The following USP34 variants were observed in gnomAD, a reference collection of about 807,000 sequenced individuals.
USP34 encodes ubiquitin specific peptidase 34, also known as ubiquitin carboxyl-terminal hydrolase 34.
Under a neutral mutation model 460.3 loss-of-function variants are expected in USP34, and 70 were observed. That is an observed-to-expected ratio of 0.15 (90% confidence interval 0.13 to 0.19). USP34 has a LOEUF of 0.19. Ranked by LOEUF, USP34 falls within the 10% of genes least tolerant of loss-of-function variation. The probability of loss-of-function intolerance (pLI) is 1.00; values close to 1 mark genes in which losing one functional copy is unlikely to be tolerated. For synonymous variants in USP34, 1,647 were observed against 1,405.3 expected (o/e 1.17, Z -3.85); for missense variants, 3,985 against 4,236.2 (o/e 0.94, Z 1.65).
chr2:61,344,599 T>C (rs1691706103), intron 15 of USP34, among the ~76,000 whole-genome samples: 1 of 152,152 alleles, frequency 6.6e-6, no homozygotes, highest in Non-Finnish European at 1.5e-5. Flanking sequence ...ACACAGAATA[T>C]GAAAAGAGCT....
At position 61,470,816 on chromosome 2, in the gene USP34, G is replaced by A. The variant is rs1695938069; in HGVS notation, c.-124C>T. On this transcript the variant is annotated 5_prime_UTR_variant, in exon 1 of 80. Coordinates refer to ENST00000398571, the MANE Select transcript of USP34 (RefSeq NM_014709.4). ...GCCGGCGGGGCGGGGAGGCGACTAGGGCGGGCGGCGGCGGGGACGGGGCGG... is the reference window on the plus strand; with the variant it reads ...GCCGGCGGGGCGGGGAGGCGACTAGAGCGGGCGGCGGCGGGGACGGGGCGG... 8.4e-6 allele frequency: 5 copies of A among 595,348 alleles called. No individual in the cohort carries two copies. The highest frequency in any genetic ancestry group is 2.1e-5 in the South Asian group (1 of 48,040). 36.9% of individuals were successfully genotyped at this position (595,348 alleles called of 1,614,324 possible). A position where few individuals can be genotyped will look rare whatever the true frequency, so the allele number is the denominator to read the frequency against.
chr2:61,467,370 G>A (rs1038577618), intron 1 of USP34, among the ~76,000 whole-genome samples: 3 of 151,892 alleles, frequency 2.0e-5, no homozygotes, highest in South Asian at 4.2e-4. Context: ...CGCTGGTCTC[G>A]AACTCCTGGC....
chr2:61,461,355 T>C (rs1459981942), intron 1 of USP34, among the ~76,000 whole-genome samples: 1 of 150,756 alleles, frequency 6.6e-6, no homozygotes, highest in Non-Finnish European at 1.5e-5. Context: ...ATGGCACCAT[T>C]GCACTCCACC....
At chr2:61,261,701 A>C (rs1473716524) in intron 43 of USP34, among the ~76,000 whole-genome samples, 1 of 152,158 alleles carries the variant, frequency 6.6e-6, no homozygotes, top group African/African-American at 2.4e-5. Context: ...GCTTTCTTTA[A>C]ACTTCATGTG....
intron 75 of USP34, among the ~76,000 whole-genome samples, chr2:61,199,436 A>C (rs1343622864): frequency 6.6e-6 from 1 of 152,112 alleles, no homozygotes; most frequent in Non-Finnish European, 1.5e-5. Context: ...TTGTATTTTC[A>C]GTAGAGACAG....
chr2:61,329,195 T>G (rs1691186674), intron 20 of USP34, among the ~76,000 whole-genome samples: 1 of 152,024 alleles, frequency 6.6e-6, no homozygotes. Flanking sequence ...CTTTTTTTTT[T>G]TTGTATTTTT....
intron 18 of USP34, among the ~76,000 whole-genome samples, chr2:61,337,757 A>T (rs1224384432): frequency 6.6e-6 from 1 of 152,098 alleles, no homozygotes; most frequent in African/African-American, 2.4e-5. Context: ...CGCCCGGCCT[A>T]GTTATTTTCA....
At chr2:61,302,939 C>T (rs968407956) in intron 27 of USP34, among the ~76,000 whole-genome samples, 4 of 152,172 alleles carry the variant, frequency 2.6e-5, no homozygotes, top group Non-Finnish European at 5.9e-5. Context: ...ACTGATAGAA[C>T]ATTTTAAAAA....
chr2:61,301,466 C>G lies in USP34; in HGVS notation c.3818-12G>C. On this transcript the variant is annotated splice_polypyrimidine_tract_variant and intron_variant, in intron 27 of 79. Transcript: ENST00000398571. ...TCCCATGAGGCCTCCTTAAAAACAG[C>G]AAAACATGGAAATGAATTTGTTTTT... The G allele has an allele frequency of 6.2e-7, 1 of 1,602,480 alleles. No homozygotes were observed. The highest frequency in any genetic ancestry group is 8.5e-7 in the Non-Finnish European group (1 of 1,174,268).
Position 61,257,277 on chromosome 2 carries a change from G to A in USP34, c.5918C>T (p.Thr1973Ile). Residue 1973 changes from threonine to isoleucine, a missense_variant, in exon 45 of 80, where the codon ACT becomes ATT. This residue lies in a region of USP34 where 145 missense variants were observed against 291.6 expected (regional missense o/e 0.50). Coordinates refer to ENST00000398571, the MANE Select transcript of USP34 (RefSeq NM_014709.4). ...TYTMDKQPLN[T>I]GEQKDMTEFF... is the part of the protein sequence containing the mutation. ...CTCTGTCATATCTTTCTGTTCCCCA[G>A]TATTCAGAGGCTGCTTATCCATGGT... 6.2e-7 allele frequency: 1 copy of A among 1,613,110 alleles called. No individual in the cohort carries two copies.
At chr2:61,392,192 C>T (rs372598652) in intron 5 of USP34, among the ~76,000 whole-genome samples, 75 of 152,116 alleles carry the variant, frequency 4.9e-4, no homozygotes, top group African/African-American at 1.6e-3. Context: ...TTTAGCCAGG[C>T]GTGGTGACAT....
chr2:61,246,058 G>A (rs2103869623), intron 50 of USP34, among the ~76,000 whole-genome samples: 1 of 152,308 alleles, frequency 6.6e-6, no homozygotes, highest in East Asian at 1.9e-4. Context: ...GAGAAGATAA[G>A]AGTTGAAATG....
At chr2:61,467,366 T>A (rs1695803486) in intron 1 of USP34, among the ~76,000 whole-genome samples, 1 of 151,994 alleles carries the variant, frequency 6.6e-6, no homozygotes, top group African/African-American at 2.4e-5. Flanking sequence ...CCCACGCTGG[T>A]CTCGAACTCC....
At chr2:61,385,079 G>A (rs1289238052) in intron 5 of USP34, among the ~76,000 whole-genome samples, 81 of 151,890 alleles carry the variant, frequency 5.3e-4, no homozygotes, top group Non-Finnish European at 7.4e-5. Flanking sequence ...CCCTATATAT[G>A]TTCTTTTCTT....
chr2:61,210,591 C>T (rs888300999), intron 69 of USP34, among the ~76,000 whole-genome samples: 1 of 152,340 alleles, frequency 6.6e-6, no homozygotes, highest in Middle Eastern at 3.4e-3. Flanking sequence ...TAATTACTCA[C>T]ACAGCTATAT....
At chr2:61,309,141 A>C (rs1264836652) in intron 27 of USP34, among the ~76,000 whole-genome samples, 2 of 152,230 alleles carry the variant, frequency 1.3e-5, no homozygotes, top group Non-Finnish European at 2.9e-5. Flanking sequence ...ATGGAGAAGT[A>C]CCTCTAAAAT....
chr2:61,358,183 G>A (rs1309588763), intron 10 of USP34, among the ~76,000 whole-genome samples: 2 of 125,270 alleles, frequency 1.6e-5, no homozygotes, highest in African/African-American at 2.7e-5. Context: ...GACAGAGCGA[G>A]ATTCCATCTA....
chr2:61,259,633 A>T, intron 44 of USP34, 78 bp downstream of exon 44: 1 of 1,369,200 alleles, frequency 7.3e-7, no homozygotes. Flanking sequence ...CCATCCACCC[A>T]CCTTGGCCTC....
chr2:61,458,958 T>C (rs1404146325), intron 1 of USP34, among the ~76,000 whole-genome samples: 1 of 151,750 alleles, frequency 6.6e-6, no homozygotes, highest in African/African-American at 2.4e-5. Flanking sequence ...CCCAGCTACT[T>C]GGGAGGCTGA....
Sources: allele counts gnomAD v4.1 joint callset (sites outside exome capture counted in the v4.1 genomes callset), GRCh38; gene constraint gnomAD v4.1.1; regional missense constraint gnomAD v4.1.1; transcripts MANE v1.5; gene names NCBI Gene and HGNC (gene_info 2026-07-23, HGNC 2026-07-21).